Variants in IL1RAPL1 observed in about 807,000 individuals in gnomAD.
IL1RAPL1 encodes interleukin 1 receptor accessory protein like 1, also known as interleukin-1 receptor accessory protein-like 1.
IL1RAPL1 carries 3 observed loss-of-function variants against 48.4 expected under a neutral mutation model. That is an observed-to-expected ratio of 0.06 (90% CI 0.03 to 0.16). IL1RAPL1 has a LOEUF of 0.16. Ranked by LOEUF, IL1RAPL1 falls within the 10% of genes least tolerant of loss-of-function variation. The pLI, the probability that IL1RAPL1 is intolerant of heterozygous loss-of-function variation, is 1.00. For synonymous variants in IL1RAPL1, 185 were observed against 187.7 expected (o/e 0.99, Z 0.12); for missense variants, 349 against 530.6 (o/e 0.66, Z 3.36).
chrX:28,757,946 T>C (rs1408254051), intron 1 of IL1RAPL1, among the ~76,000 whole-genome samples: 1 of 112,203 alleles, frequency 8.9e-6, no homozygotes, highest in Non-Finnish European at 1.9e-5. Context: ...TAAAATTCAG[T>C]TGGACGATAA....
chrX:29,037,712 G>A (rs1400140276), intron 2 of IL1RAPL1, among the ~76,000 whole-genome samples: 1 of 111,593 alleles, frequency 9.0e-6, no homozygotes, highest in East Asian at 2.8e-4. Flanking sequence ...AGATTTGTGA[G>A]ATACAAAGGC....
intron 1 of IL1RAPL1, among the ~76,000 whole-genome samples, chrX:28,742,536 G>A (rs954927717): frequency 1.8e-5 from 2 of 111,884 alleles, no homozygotes; most frequent in African/African-American, 6.5e-5. Flanking sequence ...ACTCCATTAT[G>A]TAGTAGAAAA....
At chrX:29,155,705 A>G (rs1223833971) in intron 2 of IL1RAPL1, among the ~76,000 whole-genome samples, 5 of 111,774 alleles carry the variant, frequency 4.5e-5, no homozygotes, top group Non-Finnish European at 9.4e-5. Context: ...GGTAATTTCA[A>G]ATATGCATGC....
intron 2 of IL1RAPL1, among the ~76,000 whole-genome samples, chrX:29,047,194 A>G (rs973312747): frequency 2.7e-5 from 3 of 112,599 alleles, no homozygotes; most frequent in Non-Finnish European, 5.6e-5. Flanking sequence ...CTAAATAAAG[A>G]CTTGTCTCTA....
At chrX:29,355,178 G>T (rs1278954282) in intron 3 of IL1RAPL1, among the ~76,000 whole-genome samples, 2 of 111,809 alleles carry the variant, frequency 1.8e-5, no homozygotes, top group Non-Finnish European at 3.8e-5. Flanking sequence ...TTACAAAAGG[G>T]TAACTTCTAC....
intron 8 of IL1RAPL1, among the ~76,000 whole-genome samples, chrX:29,939,650 A>G (rs991794608): frequency 8.9e-6 from 1 of 112,247 alleles, no homozygotes; most frequent in African/African-American, 3.2e-5. Flanking sequence ...TACACTTCAT[A>G]TTAATTTACT....
intron 5 of IL1RAPL1, among the ~76,000 whole-genome samples, chrX:29,429,620 A>G (rs978559723): frequency 1.6e-4 from 18 of 111,336 alleles, no homozygotes; most frequent in African/African-American, 5.6e-4. Context: ...AAAGGGAGCC[A>G]GGATAGAGAC....
intron 6 of IL1RAPL1, among the ~76,000 whole-genome samples, chrX:29,804,840 A>G (rs1930213073): frequency 8.9e-6 from 1 of 112,303 alleles, no homozygotes; most frequent in African/African-American, 3.2e-5. Flanking sequence ...CAAGCTCAAC[A>G]TGAACTGGAT....
chrX:29,763,810 C>G (rs1904429021), intron 6 of IL1RAPL1, among the ~76,000 whole-genome samples: 1 of 109,666 alleles, frequency 9.1e-6, no homozygotes, highest in South Asian at 3.9e-4. Context: ...CTATTTCATT[C>G]CCTCAGATTA....
At chrX:29,104,128 C>A (rs1231269729) in intron 2 of IL1RAPL1, among the ~76,000 whole-genome samples, 2 of 111,758 alleles carry the variant, frequency 1.8e-5, no homozygotes, top group East Asian at 2.8e-4. Flanking sequence ...AAGGTATATA[C>A]CCAAAAGAAA....
At chrX:29,789,855 A>G (rs979903374) in intron 6 of IL1RAPL1, among the ~76,000 whole-genome samples, 7 of 108,559 alleles carry the variant, frequency 6.4e-5, no homozygotes, top group Non-Finnish European at 1.1e-4. Context: ...ATAAGAATCT[A>G]ACAGAAAACA....
chrX:29,136,890 C>T (rs970025976), intron 2 of IL1RAPL1, among the ~76,000 whole-genome samples: 2 of 111,464 alleles, frequency 1.8e-5, no homozygotes, highest in African/African-American at 3.3e-5. Flanking sequence ...AGGGTTGGGG[C>T]ATTGGCCTAA....
intron 2 of IL1RAPL1, among the ~76,000 whole-genome samples, chrX:28,946,331 G>A (rs1924302873): frequency 1.2e-5 from 1 of 85,307 alleles, no homozygotes; most frequent in Non-Finnish European, 2.7e-5. Flanking sequence ...GTTTGTAGGG[G>A]AAAGCAATAG....
chrX:29,133,259 T>C (rs188527866), intron 2 of IL1RAPL1, among the ~76,000 whole-genome samples: 124 of 111,656 alleles, frequency 1.1e-3, no homozygotes, highest in African/African-American at 3.5e-3. Flanking sequence ...ATTTATTCAG[T>C]AAATGGTTGT....
At chrX:29,191,894 G>A (rs1396817943) in intron 2 of IL1RAPL1, among the ~76,000 whole-genome samples, 3 of 111,334 alleles carry the variant, frequency 2.7e-5, no homozygotes, top group African/African-American at 9.8e-5. Flanking sequence ...TCTTGGTCAG[G>A]GTCTAAGATG....
chrX:29,620,574 T>C (rs981296350), intron 5 of IL1RAPL1, among the ~76,000 whole-genome samples: 7 of 112,123 alleles, frequency 6.2e-5, no homozygotes, highest in Non-Finnish European at 9.4e-5. Flanking sequence ...TAAAAATGTT[T>C]TAAAATACTG....
intron 2 of IL1RAPL1, among the ~76,000 whole-genome samples, chrX:28,852,036 G>A (rs776823386): frequency 2.7e-5 from 3 of 111,947 alleles, no homozygotes; most frequent in South Asian, 7.4e-4. Context: ...AATGCCAATA[G>A]GAGGTATGTG....
At chrX:28,824,282 C>A (rs1040091481) in intron 2 of IL1RAPL1, among the ~76,000 whole-genome samples, 1 of 110,823 alleles carries the variant, frequency 9.0e-6, no homozygotes, top group African/African-American at 3.3e-5. Context: ...AAAGTTTTTC[C>A]CTTTACTTTA....
intron 2 of IL1RAPL1, among the ~76,000 whole-genome samples, chrX:29,017,121 C>T (rs149694487): frequency 8.1e-4 from 90 of 111,785 alleles, no homozygotes; most frequent in African/African-American, 2.7e-3. Context: ...TATGATTCGA[C>T]GTGAATCTGT....
Sources: allele counts gnomAD v4.1 joint callset (sites outside exome capture counted in the v4.1 genomes callset), GRCh38; gene constraint gnomAD v4.1.1; transcripts MANE v1.5; gene names NCBI Gene and HGNC (gene_info 2026-07-23, HGNC 2026-07-21).